Variants in CDK15 observed in about 807,000 individuals in gnomAD.
CDK15 encodes cyclin dependent kinase 15, also known as cyclin-dependent kinase 15.
Under a neutral mutation model 60.3 loss-of-function variants are expected in CDK15, and 62 were observed. That is an observed-to-expected ratio of 1.03 (90% CI 0.84 to 1.27). CDK15 has a LOEUF of 1.27. Among genes scored for constraint, CDK15 ranks in the 50% most tolerant of loss-of-function variants. CDK15 has a pLI of 0.00. For missense variants in CDK15, 541 were observed against 527.8 expected (o/e 1.03, Z -0.25); for synonymous variants, 194 against 195.7 (o/e 0.99, Z 0.07).
intron 12 of CDK15, chr2:201,888,916 A>G: frequency 1.0e-6 from 1 of 994,100 alleles, no homozygotes; most frequent in Non-Finnish European, 1.2e-6. Context: ...TATTTTAGCC[A>G]TTTAACTGTC....
intron 12 of CDK15, among the ~76,000 whole-genome samples, chr2:201,886,046 A>AC (rs1191322842): frequency 6.6e-6 from 1 of 152,180 alleles, no homozygotes. Context: ...TCACATAGGA[A>AC]CTTAGCTGCA....
At chr2:201,816,924 C>T (rs924090238) in intron 4 of CDK15, among the ~76,000 whole-genome samples, 1 of 152,182 alleles carries the variant, frequency 6.6e-6, no homozygotes, top group African/African-American at 2.4e-5. Context: ...AAACTTTCTG[C>T]ATAAACTGCC....
At chr2:201,847,606 G>A in intron 9 of CDK15, 132 bp downstream of exon 9, 1 of 752,822 alleles carries the variant, frequency 1.3e-6, no homozygotes, top group Non-Finnish European at 2.1e-6. Flanking sequence ...TGTAGAAACT[G>A]TAGCATTTGC....
chr2:201,878,655 A>G (rs1448352268), intron 11 of CDK15, among the ~76,000 whole-genome samples: 1 of 152,134 alleles, frequency 6.6e-6, no homozygotes, highest in African/African-American at 2.4e-5. Flanking sequence ...GGGCTGCTAT[A>G]ACAAAATACC....
intron 10 of CDK15, chr2:201,861,318 C>T (rs375243727): frequency 6.1e-6 from 6 of 989,114 alleles, no homozygotes; most frequent in East Asian, 1.1e-4. Context: ...CCCGATTCTA[C>T]AGATGAGGAA....
At chr2:201,888,817 G>A in intron 12 of CDK15, 1 of 1,111,756 alleles carries the variant, frequency 9.0e-7, no homozygotes, top group African/African-American at 1.6e-5. Flanking sequence ...TGTCCCCAAG[G>A]CAAGAGGATA....
In CDK15 at chr2:201,882,668, TGA is replaced by T. The variant is rs1351724575; in HGVS notation, c.1198+2503_1198+2504del. Among the ~76,000 whole-genome samples the T allele has an allele frequency of 7.0e-6, 1 of 143,438 alleles. No homozygotes were observed. The allele number at this position is 143,438 out of a possible 152,430, so 94.1% of individuals were successfully genotyped here. A position where few individuals can be genotyped will look rare whatever the true frequency, so the allele number is the denominator to read the frequency against. ...TTCTGTGTGTGTGTGCTCGTGCACA[TGA>T]GTGCACGAGCATGTGTGTGTGCTTG... is the stretch of plus-strand genomic sequence containing the variant. On this transcript the variant is annotated intron_variant, in intron 12 of 13. Coordinates refer to ENST00000652192, the MANE Select transcript of CDK15 (RefSeq NM_001366386.2). The surrounding 1 kb of genome is among the most constrained non-coding windows in gnomAD (Gnocchi z 4.0).
intron 10 of CDK15, among the ~76,000 whole-genome samples, chr2:201,867,063 C>T (rs577439955): frequency 3.9e-5 from 6 of 152,296 alleles, no homozygotes; most frequent in Non-Finnish European, 8.8e-5. Context: ...GCAGAATTTA[C>T]GAGAACTGAA....
chr2:201,812,125 G>C (rs1179679211), intron 3 of CDK15, among the ~76,000 whole-genome samples: 2 of 143,402 alleles, frequency 1.4e-5, no homozygotes, highest in Non-Finnish European at 3.0e-5. Flanking sequence ...AGTGAGCCAA[G>C]ATCGTGCCAC....
chr2:201,842,813 T>C (rs1447063715), intron 8 of CDK15, among the ~76,000 whole-genome samples: 1 of 152,150 alleles, frequency 6.6e-6, no homozygotes, highest in East Asian at 1.9e-4. Context: ...CCAGCACATC[T>C]CTCCCTTCTG....
intron 4 of CDK15, among the ~76,000 whole-genome samples, chr2:201,814,075 G>A (rs1286918446): frequency 6.6e-6 from 1 of 152,212 alleles, no homozygotes; most frequent in African/African-American, 2.4e-5. Context: ...TTTCCTTTGT[G>A]AGCTTGAGTT....
intron 8 of CDK15, 91 bp downstream of exon 8, chr2:201,835,854 G>A: frequency 1.2e-6 from 1 of 846,552 alleles, no homozygotes; most frequent in Non-Finnish European, 1.5e-6. Flanking sequence ...TCTAAAAATG[G>A]CAATCACGTA....
At position 201,824,711 on chromosome 2, in the gene CDK15, C is replaced by T. The variant is rs532132645; in HGVS notation, c.606+984C>T. ...ATGGTGAACCCAAGAGCCATATCAG[C>T]GCTAGCAAAATGGCAGAATTCATAT... is the stretch of plus-strand genomic sequence containing the variant. On this transcript the variant is annotated intron_variant, in intron 6 of 13. Transcript: ENST00000652192. 176 of 461,780 alleles carry T rather than the reference C, an allele frequency of 3.8e-4. No individual in the cohort carries two copies. In the South Asian group the frequency reaches 4.0e-3, roughly 11 times the overall value. The allele number at this position is 461,780 out of a possible 1,614,324, so 28.6% of individuals were successfully genotyped here.
chr2:201,806,685 A>G lies in CDK15; in HGVS notation c.21A>G (p.Ala7=). 2 of 1,596,948 alleles carry G rather than the reference A, an allele frequency of 1.3e-6. No individual in the cohort carries two copies. Among genetic ancestry groups the G allele is most frequent in the Non-Finnish European group, 1.7e-6 (2 of 1,179,184 alleles). ...AGATTATGGGTCAAGAGCTGTGTGC[A>G]AAGACTGTACAGCCTGGATGCAGCT... MGQELC[A]KTVQPGCSCY... is the part of the protein sequence containing the mutation. The change falls in exon 1 of 14, where the codon GCA becomes GCG. Residue 7 remains alanine (A), a synonymous_variant. Coordinates refer to ENST00000652192, the MANE Select transcript of CDK15 (RefSeq NM_001366386.2).
intron 9 of CDK15, 194 bp from the exon 10 acceptor site, chr2:201,854,680 G>GTTT (rs1353617659): frequency 1.7e-6 from 1 of 580,890 alleles, no homozygotes; most frequent in African/African-American, 1.9e-5. Context: ...ATGTATTACA[G>GTTT]TTTTGCCCAA....
chr2:201,863,471 A>G (rs890689160), intron 10 of CDK15, among the ~76,000 whole-genome samples: 5 of 152,232 alleles, frequency 3.3e-5, no homozygotes, highest in African/African-American at 1.2e-4. Flanking sequence ...GCCTGCCTCA[A>G]GGTGCCAAAT....
chr2:201,807,427 T>C (rs1695559996), intron 1 of CDK15, 67 bp from the exon 2 acceptor site: 1 of 1,453,528 alleles, frequency 6.9e-7, no homozygotes, highest in Non-Finnish European at 9.3e-7. Flanking sequence ...AAAGAAAAAA[T>C]GGTTTTACCA....
At chr2:201,827,741 G>T (rs982181105) in intron 6 of CDK15, among the ~76,000 whole-genome samples, 6 of 152,156 alleles carry the variant, frequency 3.9e-5, no homozygotes, top group African/African-American at 1.4e-4. Flanking sequence ...CAAAGTGCTG[G>T]AATTACAGGT....
At chr2:201,853,352 A>G (rs917929904) in intron 9 of CDK15, among the ~76,000 whole-genome samples, 1 of 152,156 alleles carries the variant, frequency 6.6e-6, no homozygotes, top group Non-Finnish European at 1.5e-5. Flanking sequence ...TATGAGGGAA[A>G]ATAGCACTTC....
Sources: gnomAD v4.1 joint callset for allele counts (sites outside exome capture counted in the v4.1 genomes callset) on GRCh38, gnomAD v4.1.1 for gene constraint, Gnocchi (gnomAD v3.1) non-coding constraint, MANE v1.5 for transcripts, NCBI Gene and HGNC (gene_info 2026-07-23, HGNC 2026-07-21) for gene names.